The following PAQR5 variants were observed in gnomAD, a reference collection of about 807,000 sequenced individuals.
PAQR5 encodes membrane progestin receptor gamma.
PAQR5 carries 20 observed loss-of-function variants against 34.5 expected under a neutral mutation model. The observed-to-expected ratio is 0.58, with a 90% confidence interval of 0.41 to 0.84. The LOEUF (loss-of-function observed/expected upper bound fraction) is 0.84. Among genes scored for constraint, PAQR5 ranks in the 40% least tolerant of loss-of-function variants. The probability of loss-of-function intolerance (pLI) is 0.00; values close to 1 mark genes in which losing one functional copy is unlikely to be tolerated. For synonymous variants in PAQR5, 131 were observed against 155.6 expected (o/e 0.84, Z 1.18); for missense variants, 378 against 412.7 (o/e 0.92, Z 0.73).
At chr15:69,318,831 A>T (rs1483855208) in intron 1 of PAQR5, among the ~76,000 whole-genome samples, 1 of 152,080 alleles carries the variant, frequency 6.6e-6, no homozygotes, top group East Asian at 1.9e-4. Flanking sequence ...ATAATATGTT[A>T]TAATAAAAGT....
intron 1 of PAQR5, chr15:69,314,683 AG>A (rs11327845): frequency 0.043 from 6,569 of 152,372 alleles, 284 homozygotes; most frequent in East Asian, 0.15. Context: ...TGGGGAGGAG[AG>A]GGAGCCTCTG....
intron 1 of PAQR5, among the ~76,000 whole-genome samples, chr15:69,319,775 T>C (rs1416655928): frequency 1.3e-5 from 2 of 152,090 alleles, no homozygotes; most frequent in African/African-American, 4.8e-5. Flanking sequence ...CCTCTGTGGG[T>C]TGAGCTGAAT....
rs974678078 is a variant in PAQR5 at position 69,311,236 on chromosome 15, C to T, written c.-277+12180C>T. On this transcript the variant is annotated intron_variant, in intron 1 of 8. Transcript: ENST00000395407. ...AAGGGAGGGAAGACGGAGCTGTGTG[C>T]CAGGAATTGGATGGCTACACGTTGA... Among the ~76,000 whole-genome samples the T allele has an allele frequency of 2.0e-5, 3 of 151,446 alleles. No homozygotes were observed. In the East Asian group the frequency reaches 5.9e-4, roughly 30 times the overall value.
intron 8 of PAQR5, among the ~76,000 whole-genome samples, chr15:69,402,410 C>T (rs969363364): frequency 7.9e-5 from 12 of 151,942 alleles, no homozygotes; most frequent in African/African-American, 2.9e-4. Context: ...CTCTGCCTCC[C>T]GAGTTCACGC....
At chr15:69,402,426 T>A (rs753343459) in intron 8 of PAQR5, among the ~76,000 whole-genome samples, 2 of 152,084 alleles carry the variant, frequency 1.3e-5, no homozygotes, top group Non-Finnish European at 2.9e-5. Flanking sequence ...CACGCCATTC[T>A]CCTGCCTCAG....
intron 1 of PAQR5, among the ~76,000 whole-genome samples, chr15:69,305,707 C>G (rs955971214): frequency 8.9e-6 from 1 of 112,634 alleles, no homozygotes; most frequent in African/African-American, 3.6e-5. Flanking sequence ...ACCCACCAAG[C>G]AGAGGAGGGA....
intron 2 of PAQR5, among the ~76,000 whole-genome samples, chr15:69,341,353 CT>C (rs370642387): frequency 2.3e-4 from 27 of 117,704 alleles, no homozygotes; most frequent in African/African-American, 7.1e-4. Flanking sequence ...AATTCTATTC[CT>C]TTTTTTTTTT....
chr15:69,354,557 C>T (rs530758175), intron 2 of PAQR5, among the ~76,000 whole-genome samples: 5 of 152,270 alleles, frequency 3.3e-5, no homozygotes, highest in African/African-American at 1.2e-4. Flanking sequence ...ATAATTGTAT[C>T]ATGTTTTGCA....
intron 3 of PAQR5, among the ~76,000 whole-genome samples, chr15:69,361,763 G>A (rs545055765): frequency 6.6e-6 from 1 of 152,250 alleles, no homozygotes; most frequent in African/African-American, 2.4e-5. Context: ...GGAATTATAG[G>A]GATTACAATT....
intron 6 of PAQR5, 104 bp downstream of exon 6, chr15:69,389,884 G>A: frequency 7.3e-7 from 1 of 1,377,102 alleles, no homozygotes; most frequent in Non-Finnish European, 1.0e-6. Flanking sequence ...AATGGAAAAG[G>A]TGCTTGGGAA....
intron 2 of PAQR5, among the ~76,000 whole-genome samples, chr15:69,356,555 C>T (rs1357475733): frequency 6.6e-6 from 1 of 151,996 alleles, no homozygotes; most frequent in Non-Finnish European, 1.5e-5. Flanking sequence ...ACGTTGGTAC[C>T]GTTGTGCAAC....
intron 2 of PAQR5, among the ~76,000 whole-genome samples, chr15:69,359,360 G>T (rs2055170032): frequency 6.6e-6 from 1 of 152,186 alleles, no homozygotes; most frequent in Admixed American, 6.5e-5. Context: ...GTTAAAGACG[G>T]AAGCGGTTTA....
chr15:69,355,287 CT>C (rs761896771), intron 2 of PAQR5, among the ~76,000 whole-genome samples: 55 of 143,890 alleles, frequency 3.8e-4, no homozygotes, highest in African/African-American at 7.0e-4. Context: ...CTCTTTCTTT[CT>C]TTTCTTTCTT....
intron 2 of PAQR5, among the ~76,000 whole-genome samples, chr15:69,356,199 T>C (rs1344238767): frequency 1.3e-5 from 2 of 152,180 alleles, no homozygotes; most frequent in Non-Finnish European, 2.9e-5. Context: ...TTGATTTCTA[T>C]TGTTGTCTGA....
rs2056749825 is a variant in PAQR5, at chr15:69,406,356, C to T, written c.*2534C>T. 1 of 152,212 alleles carries T rather than the reference C, an allele frequency of 6.6e-6. No individual in the cohort carries two copies. Among genetic ancestry groups the T allele is most frequent in the Non-Finnish European group, 1.5e-5 (1 of 68,042 alleles). 9.4% of individuals were successfully genotyped at this position (152,212 alleles called of 1,614,324 possible). Reference sequence around the variant, plus strand: ...TAAGGCCATTCAGTTAACTTTACCTCCCTTTACCCATTGAAGGGGTTCCTT... The same window carrying T: ...TAAGGCCATTCAGTTAACTTTACCTTCCTTTACCCATTGAAGGGGTTCCTT... On this transcript the variant is annotated 3_prime_UTR_variant, in exon 9 of 9. Transcript: ENST00000395407.
chr15:69,335,413 T>A lies in PAQR5; in HGVS notation c.-276-1928T>A, dbSNP rs557371823. ...GGCATGAACCACCACACCTGGCTAA[T>A]TTTTTATTTGTAGTAGAGAAGGGGT... On this transcript the variant is annotated intron_variant, in intron 1 of 8. Transcript: ENST00000395407. 2.4e-3 allele frequency among the ~76,000 whole-genome samples: 360 copies of A among 151,052 alleles called. 1 individual carries two copies. Among genetic ancestry groups the A allele is most frequent in the African/African-American group, 8.1e-3 (335 of 41,186 alleles).
intron 1 of PAQR5, among the ~76,000 whole-genome samples, chr15:69,319,830 C>T (rs1280376482): frequency 6.6e-6 from 1 of 152,192 alleles, no homozygotes; most frequent in Admixed American, 6.5e-5. Flanking sequence ...CTTGGTTCTG[C>T]TCTCAGCGGT....
intron 5 of PAQR5, among the ~76,000 whole-genome samples, chr15:69,387,256 T>G (rs2056138819): frequency 6.6e-6 from 1 of 152,218 alleles, no homozygotes; most frequent in African/African-American, 2.4e-5. Context: ...TTTTGATAAG[T>G]GTGGGCATTT....
At chr15:69,391,654 T>C (rs1174669063) in intron 6 of PAQR5, 1 of 455,988 alleles carries the variant, frequency 2.2e-6, no homozygotes, top group Admixed American at 2.3e-5. Context: ...TGGTTCGCTC[T>C]CCTAGGGCTG....
Sources: gnomAD v4.1 joint callset for allele counts (sites outside exome capture counted in the v4.1 genomes callset) on GRCh38, gnomAD v4.1.1 for gene constraint, MANE v1.5 for transcripts, NCBI Gene and HGNC (gene_info 2026-07-23, HGNC 2026-07-21) for gene names.